The following CFAP47 variants were observed in gnomAD, a reference collection of about 807,000 sequenced individuals.
The protein encoded by CFAP47 is cilia- and flagella-associated protein 47.
A neutral mutation model predicts 148.1 loss-of-function variants in CFAP47; 29 were observed. That is an observed-to-expected ratio of 0.20 (90% confidence interval 0.15 to 0.27). The LOEUF (loss-of-function observed/expected upper bound fraction) is 0.27. Among genes scored for constraint, CFAP47 ranks in the 10% least tolerant of loss-of-function variants. The probability of loss-of-function intolerance (pLI) is 1.00; values close to 1 mark genes in which losing one functional copy is unlikely to be tolerated. For synonymous variants in CFAP47, 664 were observed against 577.3 expected (o/e 1.15, Z -2.15); for missense variants, 1,872 against 1,697.5 (o/e 1.10, Z -1.81).
intron 15 of CFAP47, among the ~76,000 whole-genome samples, chrX:35,980,888 T>C (rs1325732809): frequency 9.0e-6 from 1 of 111,035 alleles, no homozygotes; most frequent in Non-Finnish European, 1.9e-5. Context: ...TTATCATACT[T>C]ATTTATTTGG....
chrX:36,067,357 T>C (rs1352559687), intron 27 of CFAP47, among the ~76,000 whole-genome samples: 1 of 111,599 alleles, frequency 9.0e-6, no homozygotes, highest in Non-Finnish European at 1.9e-5. Context: ...TTTTTTTCTC[T>C]ATATACCCCA....
At chrX:36,210,738 T>C (rs1435475667) in intron 45 of CFAP47, among the ~76,000 whole-genome samples, 1 of 112,281 alleles carries the variant, frequency 8.9e-6, no homozygotes, top group East Asian at 2.8e-4. Flanking sequence ...TTTTTGTTGT[T>C]CTTGTTGCTC....
chrX:36,219,214 T>G (rs1940189462), intron 45 of CFAP47, among the ~76,000 whole-genome samples: 1 of 111,465 alleles, frequency 9.0e-6, no homozygotes, highest in Admixed American at 9.5e-5. Context: ...TATTTGGGGG[T>G]AAAATGATTT....
At chrX:36,170,111 A>G (rs1687587293) in intron 39 of CFAP47, among the ~76,000 whole-genome samples, 1 of 111,424 alleles carries the variant, frequency 9.0e-6, no homozygotes, top group African/African-American at 3.3e-5. Context: ...ACAAGTTCCA[A>G]TGCAACAAAC....
At chrX:36,145,954 C>G (rs1273516412) in intron 36 of CFAP47, among the ~76,000 whole-genome samples, 1 of 109,705 alleles carries the variant, frequency 9.1e-6, no homozygotes, top group Non-Finnish European at 1.9e-5. Flanking sequence ...GCCTCCTCTT[C>G]TTTGTGTTTG....
chrX:36,299,903 G>A (rs1479116327), intron 52 of CFAP47, among the ~76,000 whole-genome samples: 2 of 111,485 alleles, frequency 1.8e-5, no homozygotes, highest in Non-Finnish European at 3.8e-5. Flanking sequence ...AAATTTTAAA[G>A]GACAAAAATT....
intron 33 of CFAP47, among the ~76,000 whole-genome samples, chrX:36,109,187 G>A (rs1306817441): frequency 8.9e-6 from 1 of 111,961 alleles, no homozygotes; most frequent in Non-Finnish European, 1.9e-5. Flanking sequence ...TGTTTATGCA[G>A]TCTACCGTTG....
In CFAP47 at chrX:36,238,042, G is replaced by A. The variant is rs782371970; in HGVS notation, c.7332+1183G>A. On this transcript the variant is annotated intron_variant, in intron 48 of 63. Transcript: ENST00000378653. ...TGCCCATTTTTTTATAGGGATATCT[G>A]GATTTTAATGTCTTTTTTTTTCTGT... Among the ~76,000 whole-genome samples, 7 of 111,018 alleles carry A rather than the reference G, an allele frequency of 6.3e-5. No individual in the cohort carries two copies. The South Asian group carries it at 2.3e-3, about 36-fold the overall frequency.
chrX:36,384,792 TC>T lies in CFAP47; in HGVS notation c.9355-3del. 8.7e-7 allele frequency: 1 copy of T among 1,154,163 alleles called. No individual in the cohort carries two copies. Among genetic ancestry groups the T allele is most frequent in the Non-Finnish European group, 1.2e-6 (1 of 860,989 alleles). ...AAATGAAAATTTCTCCCTCTTTCTA[TC>T]CAGACAGAAGAAATGTACTGGAAGT... On this transcript the variant is annotated splice_polypyrimidine_tract_variant and splice_region_variant and intron_variant, in intron 63 of 63. Transcript: ENST00000378653.
chrX:36,130,182 G>A (rs1466667838), intron 33 of CFAP47, among the ~76,000 whole-genome samples: 1 of 110,916 alleles, frequency 9.0e-6, no homozygotes, highest in African/African-American at 3.3e-5. Context: ...TCTGATAAGG[G>A]ATTAATGACC....
At chrX:36,191,777 A>G (rs1489331444) in intron 42 of CFAP47, among the ~76,000 whole-genome samples, 1 of 109,990 alleles carries the variant, frequency 9.1e-6, no homozygotes, top group Non-Finnish European at 1.9e-5. Flanking sequence ...TGAGGTCAGG[A>G]GTTTGAGACC....
intron 39 of CFAP47, among the ~76,000 whole-genome samples, chrX:36,166,091 T>C (rs999339093): frequency 8.9e-6 from 1 of 111,733 alleles, no homozygotes; most frequent in East Asian, 2.8e-4. Context: ...CCATTTCTCT[T>C]CATTTGTTCG....
At chrX:36,148,562 C>A (rs1251253725) in intron 36 of CFAP47, among the ~76,000 whole-genome samples, 3 of 111,843 alleles carry the variant, frequency 2.7e-5, no homozygotes, top group Non-Finnish European at 5.6e-5. Flanking sequence ...AACTCATTTT[C>A]TAATGCTCCC....
At chrX:36,371,968 G>T (rs983621670) in intron 62 of CFAP47, among the ~76,000 whole-genome samples, 9 of 99,094 alleles carry the variant, frequency 9.1e-5, no homozygotes, top group Non-Finnish European at 1.6e-4. Flanking sequence ...ATACACACAT[G>T]TGTATATGTG....
intron 17 of CFAP47, among the ~76,000 whole-genome samples, 178 bp downstream of exon 17, chrX:35,992,121 CCTTCCTTAG>C (rs1934153937): frequency 9.0e-6 from 1 of 111,323 alleles, no homozygotes; most frequent in South Asian, 3.7e-4. Context: ...TTTCTCACTA[CCTTCCTTAG>C]CCTCCCTGTT....
intron 39 of CFAP47, among the ~76,000 whole-genome samples, chrX:36,167,132 T>C (rs146981112): frequency 8.1e-4 from 91 of 112,048 alleles, no homozygotes; most frequent in African/African-American, 2.7e-3. Context: ...AGGCCTGTAG[T>C]TTAGCTTGCA....
rs761372427 is a variant in CFAP47 at position 35,920,045 on chromosome X, A to C, written c.246A>C (p.Pro82=). The C allele has an allele frequency of 1.4e-5, 17 of 1,185,204 alleles. No individual in the cohort carries two copies. Among genetic ancestry groups the C allele is most frequent in the Non-Finnish European group, 1.8e-5 (16 of 879,646 alleles). The change falls in exon 1 of 64, where the codon CCA becomes CCC. Residue 82 remains proline (P), a synonymous_variant. Coordinates refer to ENST00000378653, the MANE Select transcript of CFAP47 (RefSeq NM_001304548.2). ...TCCGATTTAAGGAGCCCGTCAAGCC[A>C]CAGGTGACACACTAAGGGGTGCTGG... ...QKIRFKEPVK[P]QFKLMLTSLD...
chrX:35,961,856 A>T (rs1283113499), intron 8 of CFAP47, among the ~76,000 whole-genome samples: 1 of 110,843 alleles, frequency 9.0e-6, no homozygotes, highest in African/African-American at 3.3e-5. Flanking sequence ...TCCTTTCCTT[A>T]TACTCACTTT....
intron 39 of CFAP47, among the ~76,000 whole-genome samples, chrX:36,170,044 T>G (rs753542434): frequency 1.3e-4 from 15 of 111,642 alleles, no homozygotes; most frequent in Non-Finnish European, 2.3e-4. Context: ...GTTTTACAAC[T>G]TCCGTGGATG....
Sources: allele counts gnomAD v4.1 joint callset (sites outside exome capture counted in the v4.1 genomes callset), GRCh38; gene constraint gnomAD v4.1.1; transcripts MANE v1.5; gene names NCBI Gene and HGNC (gene_info 2026-07-23, HGNC 2026-07-21).